The following ZNF891 variants were observed in gnomAD, a reference collection of about 807,000 sequenced individuals.
The protein encoded by ZNF891 is hCG1646157.
For missense variants in ZNF891, 589 were observed against 632.7 expected, an observed-to-expected ratio of 0.93 and a Z score of 0.74; for synonymous variants, 199 against 209.0, an observed-to-expected ratio of 0.95 and a Z score of 0.41.
In ZNF891 at chr12:133,105,529, G is replaced by C; in HGVS notation, c.*14755C>G. On this transcript the variant is annotated 3_prime_UTR_variant, in exon 2 of 2. Coordinates refer to ENST00000537226, the MANE Select transcript of ZNF891 (RefSeq NM_001277291.2). ...TTTCAGTTTCAGAGTCAAGTGGTGA[G>C]ATCAAAGACTTTTCACCAAAAAATG... The C allele has an allele frequency of 1.2e-6, 2 of 1,608,862 alleles. No individual in the cohort carries two copies. The highest frequency in any genetic ancestry group is 2.2e-5 in the South Asian group (2 of 90,078).
chr12:133,120,086 C>G lies in ZNF891; in HGVS notation c.*198G>C. ...AATAAAAAGATAACTGAAAATATAC[C>G]TACCTCACATATTAAAAATACCTAA... On this transcript the variant is annotated 3_prime_UTR_variant, in exon 2 of 2. Transcript: ENST00000537226. 2.2e-6 allele frequency: 1 copy of G among 463,386 alleles called. No homozygotes were observed. The highest frequency in any genetic ancestry group is 3.8e-6 in the Non-Finnish European group (1 of 265,198). 28.7% of individuals were successfully genotyped at this position (463,386 alleles called of 1,614,324 possible).
rs536789614 is a variant in ZNF891, at chr12:133,109,866, A to T, written c.*10418T>A. 1 of 152,358 alleles carries T rather than the reference A, an allele frequency of 6.6e-6. No homozygotes were observed. The highest frequency in any genetic ancestry group is 1.9e-4 in the East Asian group (1 of 5,184). 9.4% of individuals were successfully genotyped at this position (152,358 alleles called of 1,614,324 possible). A position where few individuals can be genotyped will look rare whatever the true frequency, so the allele number is the denominator to read the frequency against. Reference sequence around the variant, plus strand: ...AGCTAAGAATGATTTTAACATCTTTAAAAAGCTGCTTAGAAAAATAAGAAT... The same window carrying T: ...AGCTAAGAATGATTTTAACATCTTTTAAAAGCTGCTTAGAAAAATAAGAAT... On this transcript the variant is annotated 3_prime_UTR_variant, in exon 2 of 2. Transcript: ENST00000537226.
At position 133,116,048 on chromosome 12, in the gene ZNF891, A is replaced by G. The variant is rs1394539024; in HGVS notation, c.*4236T>C. ...GTGTAAATTCCAGTCCTAACCAAGC[A>G]AAGTACAATCCCTTGCTGAGTACTC... is the stretch of plus-strand genomic sequence containing the variant. On this transcript the variant is annotated 3_prime_UTR_variant, in exon 2 of 2. Transcript: ENST00000537226. 1.3e-5 allele frequency: 2 copies of G among 152,156 alleles called. No homozygotes were observed. The highest frequency in any genetic ancestry group is 2.9e-5 in the Non-Finnish European group (2 of 68,034). The allele number at this position is 152,156 out of a possible 1,614,324, so 9.4% of individuals were successfully genotyped here.
At position 133,130,230 on chromosome 12, in the gene ZNF891, T is replaced by C. The variant is rs1352959532; in HGVS notation, c.-110A>G. Reference sequence around the variant, plus strand: ...AGCCACAGGCCCGCATGCTCACCCGTCCTCAGTGCCTGCCTCCAGGCGTCC... The same window carrying C: ...AGCCACAGGCCCGCATGCTCACCCGCCCTCAGTGCCTGCCTCCAGGCGTCC... On this transcript the variant is annotated 5_prime_UTR_variant, in exon 1 of 2. Transcript: ENST00000537226. 4 of 152,276 alleles carry C rather than the reference T, an allele frequency of 2.6e-5. No individual in the cohort carries two copies. The highest frequency in any genetic ancestry group is 7.2e-5 in the African/African-American group (3 of 41,446). 9.4% of individuals were successfully genotyped at this position (152,276 alleles called of 1,614,324 possible).
Position 133,106,128 on chromosome 12 carries a change from G to A in ZNF891, c.*14156C>T. 1.2e-6 allele frequency: 2 copies of A among 1,614,170 alleles called. No individual in the cohort carries two copies. Among genetic ancestry groups the A allele is most frequent in the Non-Finnish European group, 1.7e-6 (2 of 1,180,024 alleles). On this transcript the variant is annotated 3_prime_UTR_variant, in exon 2 of 2. Transcript: ENST00000537226. ...AGGAAATGTGGTAAAGCATTTAGCA[G>A]TGGCTCAGAACTCATTCGCCACCAG... is the stretch of plus-strand genomic sequence containing the variant.
chr12:133,119,596 A>C lies in ZNF891; in HGVS notation c.*688T>G, dbSNP rs902478650. The C allele has an allele frequency of 1.3e-5, 2 of 152,206 alleles. No homozygotes were observed. Among genetic ancestry groups the C allele is most frequent in the Non-Finnish European group, 2.9e-5 (2 of 68,044 alleles). The allele number at this position is 152,206 out of a possible 1,614,324, so 9.4% of individuals were successfully genotyped here. A position where few individuals can be genotyped will look rare whatever the true frequency, so the allele number is the denominator to read the frequency against. Reference sequence around the variant, plus strand: ...TCATGTAGGAACATATCCAGATACAAGTAGTGCAGGGCTGGTACAACTATT... The same window carrying C: ...TCATGTAGGAACATATCCAGATACACGTAGTGCAGGGCTGGTACAACTATT... On this transcript the variant is annotated 3_prime_UTR_variant, in exon 2 of 2. Coordinates refer to ENST00000537226, the MANE Select transcript of ZNF891 (RefSeq NM_001277291.2).
Position 133,105,383 on chromosome 12 carries a change from C to T in ZNF891, c.*14901G>A. The T allele has an allele frequency of 2.1e-6, 2 of 943,640 alleles. No homozygotes were observed. The highest frequency in any genetic ancestry group is 3.1e-6 in the Non-Finnish European group (2 of 647,700). 58.5% of individuals were successfully genotyped at this position (943,640 alleles called of 1,614,324 possible). ...GGGCATACTACTCAGATTTCAGTCACAGCTGTGAAAGCTGCTATTGATAAG... is the reference window on the plus strand; with the variant it reads ...GGGCATACTACTCAGATTTCAGTCATAGCTGTGAAAGCTGCTATTGATAAG... On this transcript the variant is annotated 3_prime_UTR_variant, in exon 2 of 2. Coordinates refer to ENST00000537226, the MANE Select transcript of ZNF891 (RefSeq NM_001277291.2).
At position 133,116,406 on chromosome 12, in the gene ZNF891, T is replaced by C. The variant is rs1004952743; in HGVS notation, c.*3878A>G. ...AGCGTGAGCCACTGCACCCGGCCAG[T>C]TGGGACCATTTTCTAACTACTGATG... On this transcript the variant is annotated 3_prime_UTR_variant, in exon 2 of 2. Transcript: ENST00000537226. 6.6e-6 allele frequency: 1 copy of C among 152,244 alleles called. No individual in the cohort carries two copies. The highest frequency in any genetic ancestry group is 2.4e-5 in the African/African-American group (1 of 41,422). The allele number at this position is 152,244 out of a possible 1,614,324, so 9.4% of individuals were successfully genotyped here.
intron 1 of ZNF891, 119 bp downstream of exon 1, chr12:133,130,107 AG>A (rs1222613412): frequency 1.3e-5 from 2 of 152,536 alleles, no homozygotes; most frequent in Non-Finnish European, 2.9e-5. Flanking sequence ...CCTCCCGGGC[AG>A]GCTCCCTGCT....
rs927881547 is a variant in ZNF891 at position 133,114,586 on chromosome 12, C to T, written c.*5698G>A. The T allele has an allele frequency of 1.3e-5, 2 of 152,146 alleles. No individual in the cohort carries two copies. Among genetic ancestry groups the T allele is most frequent in the African/African-American group, 2.4e-5 (1 of 41,434 alleles). The allele number at this position is 152,146 out of a possible 1,614,324, so 9.4% of individuals were successfully genotyped here. On this transcript the variant is annotated 3_prime_UTR_variant, in exon 2 of 2. Coordinates refer to ENST00000537226, the MANE Select transcript of ZNF891 (RefSeq NM_001277291.2). The stretch of plus-strand genomic sequence containing the variant: ...ATTTAACTGAACACCTACACTGGGC[C>T]AAGTAATAAAACAATGAAAAATTTA...
rs1359991738 is a variant in ZNF891, at chr12:133,107,160, CTTACATT to C, written c.*13117_*13123del. The C allele has an allele frequency of 1.3e-5, 2 of 152,662 alleles. No individual in the cohort carries two copies. The highest frequency in any genetic ancestry group is 2.9e-5 in the Non-Finnish European group (2 of 68,452). The allele number at this position is 152,662 out of a possible 1,614,324, so 9.5% of individuals were successfully genotyped here. ...GAATGCCTTCATTTACAATGCAATACTTACATTTTAATACTCTTGTAGGAGAAAAAGC... is the reference window on the plus strand; with the variant it reads ...GAATGCCTTCATTTACAATGCAATACTTAATACTCTTGTAGGAGAAAAAGC... On this transcript the variant is annotated 3_prime_UTR_variant, in exon 2 of 2. Coordinates refer to ENST00000537226, the MANE Select transcript of ZNF891 (RefSeq NM_001277291.2).
chr12:133,121,261 A>G lies in ZNF891; in HGVS notation c.658T>C (p.Tyr220His), dbSNP rs1179187405. ...IFTSKHCQKC[Y>H]SEIGCLKHNS... ...TGTTTCAAACATCCAATCTCTGAGTAACATTTTTGGCAATGTTTACTGGTG... is the reference window on the plus strand; with the variant it reads ...TGTTTCAAACATCCAATCTCTGAGTGACATTTTTGGCAATGTTTACTGGTG... Residue 220 changes from tyrosine to histidine, a missense_variant, in exon 2 of 2, where the codon TAC becomes CAC. Transcript: ENST00000537226. 1 of 1,535,746 alleles carries G rather than the reference A, an allele frequency of 6.5e-7. No individual in the cohort carries two copies. The highest frequency in any genetic ancestry group is 2.0e-5 in the Admixed American group (1 of 50,978).
chr12:133,121,399 G>A lies in ZNF891; in HGVS notation c.520C>T (p.Gln174Ter). 1 of 1,536,040 alleles carries A rather than the reference G, an allele frequency of 6.5e-7. No homozygotes were observed. The highest frequency in any genetic ancestry group is 1.4e-5 in the African/African-American group (1 of 73,118). Residue 174 changes from glutamine to a stop codon, truncating the protein, a stop_gained, in exon 2 of 2, where the codon CAA (glutamine) becomes TAA (stop). Coordinates refer to ENST00000537226, the MANE Select transcript of ZNF891 (RefSeq NM_001277291.2). LOFTEE classifies it low-confidence loss of function (END_TRUNC). ...GTTTTCTTTGGGGCATATATCATTT[G>A]CCTCCAATGTCCCCCTGGAATCTTA... The part of the protein sequence containing the change: ...QHKIPGGHWR[Q>*]MIYAPKKTVP...
chr12:133,129,267 C>T (rs1467245331), intron 1 of ZNF891, among the ~76,000 whole-genome samples: 1 of 151,918 alleles, frequency 6.6e-6, no homozygotes, highest in Non-Finnish European at 1.5e-5. Context: ...TTTGGGAGGC[C>T]GAGGCAGGCT....
At chr12:133,126,536 A>C (rs1955817977) in intron 1 of ZNF891, among the ~76,000 whole-genome samples, 1 of 151,254 alleles carries the variant, frequency 6.6e-6, no homozygotes. Context: ...ATCTTGGCTG[A>C]ACACAGTGGC....
rs530440642 is a variant in ZNF891 at position 133,121,425 on chromosome 12, T to C, written c.494A>G (p.His165Arg). The C allele has an allele frequency of 7.2e-6, 11 of 1,536,142 alleles. No homozygotes were observed. The East Asian group carries it at 1.7e-4, about 24-fold the overall frequency. ...DWECHKIRKQ[H>R]KIPGGHWRQM... is the part of the protein sequence containing the mutation. ...CCTCCAATGTCCCCCTGGAATCTTA[T>C]GCTGTTTTCTGATCTTATGGCATTC... Residue 165 changes from histidine to arginine, a missense_variant, in exon 2 of 2, where the codon CAT becomes CGT. Physicochemically the swap from His to Arg is conservative, Grantham distance 29. Coordinates refer to ENST00000537226, the MANE Select transcript of ZNF891 (RefSeq NM_001277291.2).
Position 133,105,741 on chromosome 12 carries a change from G to C in ZNF891, c.*14543C>G, listed in dbSNP as rs1566324563. ...GCCCTGGCTCAACATATGAATATCAGTACTGTGGAGAGGCCCTATGGATGC... is the reference window on the plus strand; with the variant it reads ...GCCCTGGCTCAACATATGAATATCACTACTGTGGAGAGGCCCTATGGATGC... On this transcript the variant is annotated 3_prime_UTR_variant, in exon 2 of 2. Coordinates refer to ENST00000537226, the MANE Select transcript of ZNF891 (RefSeq NM_001277291.2). 1 of 1,614,198 alleles carries C rather than the reference G, an allele frequency of 6.2e-7. No individual in the cohort carries two copies. Among genetic ancestry groups the C allele is most frequent in the Non-Finnish European group, 8.5e-7 (1 of 1,180,044 alleles).
chr12:133,127,996 C>G (rs1955833072), intron 1 of ZNF891, among the ~76,000 whole-genome samples: 1 of 152,138 alleles, frequency 6.6e-6, no homozygotes, highest in Non-Finnish European at 1.5e-5. Context: ...CAAATGAAAA[C>G]ACTGAACATA....
chr12:133,122,512 G>T (rs1340518425), intron 1 of ZNF891, among the ~76,000 whole-genome samples: 3 of 152,126 alleles, frequency 2.0e-5, no homozygotes, highest in African/African-American at 7.2e-5. Flanking sequence ...TGAAGTTAAA[G>T]GTGTATATGT....
Sources: allele counts gnomAD v4.1 joint callset (sites outside exome capture counted in the v4.1 genomes callset), GRCh38; gene constraint gnomAD v4.1.1; transcripts MANE v1.5; gene names NCBI Gene and HGNC (gene_info 2026-07-23, HGNC 2026-07-21).